The following RIC1 variants were observed in gnomAD, a reference collection of about 807,000 sequenced individuals.
RIC1 encodes guanine nucleotide exchange factor subunit RIC1.
Under a neutral mutation model 169.0 loss-of-function variants are expected in RIC1, and 88 were observed. That is an observed-to-expected ratio of 0.52 (90% CI 0.44 to 0.62). RIC1 has a LOEUF of 0.62. Among genes scored for constraint, RIC1 ranks in the 20% least tolerant of loss-of-function variants. The pLI is 0.00. For missense variants in RIC1, 1,877 were observed against 1,725.5 expected (o/e 1.09, Z -1.56); for synonymous variants, 790 against 601.5 (o/e 1.31, Z -4.59).
At chr9:5,759,521 C>G (rs1045681720) in intron 17 of RIC1, among the ~76,000 whole-genome samples, 8 of 152,284 alleles carry the variant, frequency 5.3e-5, no homozygotes, top group African/African-American at 1.9e-4. Context: ...ATGTGATAAT[C>G]ACTACCCTGC....
At chr9:5,777,398 A>T (rs1827647110), downstream of RIC1, among the ~76,000 whole-genome samples, 1 of 148,582 alleles carries the variant, frequency 6.7e-6, no homozygotes, top group Non-Finnish European at 1.5e-5. Flanking sequence ...CCCATTAAAT[A>T]CTGCTAAAAA....
chr9:5,654,751 C>G (rs1242225644), intron 1 of RIC1, among the ~76,000 whole-genome samples: 2 of 152,022 alleles, frequency 1.3e-5, no homozygotes, highest in Non-Finnish European at 2.9e-5. Flanking sequence ...ATGGGTTTCA[C>G]CATGTTGGCC....
intron 23 of RIC1, 111 bp downstream of exon 23, chr9:5,770,389 C>T: frequency 1.0e-6 from 1 of 963,226 alleles, no homozygotes; most frequent in Non-Finnish European, 1.5e-6. Context: ...GAGGATTAAC[C>T]ATTTGTATCC....
Position 5,742,894 on chromosome 9 carries a change from T to A in RIC1, c.927T>A (p.Val309=), listed in dbSNP as rs1260332291. The change falls in exon 9 of 26, where the codon GTT becomes GTA. Residue 309 remains valine, a synonymous_variant. Transcript: ENST00000414202. ...ACATTTGGAATAAAACAGGAGCTGT[T>A]AAATTGATGAGATGGTCTCCTGACA... ...YPDIWNKTGA[V]KLMRWSPDNS... 1 of 1,613,058 alleles carries A rather than the reference T, an allele frequency of 6.2e-7. No homozygotes were observed. The highest frequency in any genetic ancestry group is 2.2e-5 in the East Asian group (1 of 44,810).
chr9:5,747,124 A>G (rs1201111238), intron 11 of RIC1, among the ~76,000 whole-genome samples, 178 bp from the exon 12 acceptor site: 1 of 152,240 alleles, frequency 6.6e-6, no homozygotes, highest in Non-Finnish European at 1.5e-5. Context: ...CTTTCTAATT[A>G]TAACAGTGCA....
rs1824676259 is a variant in RIC1 at position 5,735,915 on chromosome 9, A to G, written c.813-2535A>G. Among the ~76,000 whole-genome samples, 3 of 152,230 alleles carry G rather than the reference A, an allele frequency of 2.0e-5. No individual in the cohort carries two copies. In the South Asian group the frequency reaches 6.2e-4, roughly 32 times the overall value. On this transcript the variant is annotated intron_variant, in intron 7 of 25. Coordinates refer to ENST00000414202, the MANE Select transcript of RIC1 (RefSeq NM_020829.4). ...CTAAATTTGATCACTTATGGTGATAATAGTCATATCTCTCTTATAGAGATT... is the reference window on the plus strand; with the variant it reads ...CTAAATTTGATCACTTATGGTGATAGTAGTCATATCTCTCTTATAGAGATT...
intron 3 of RIC1, among the ~76,000 whole-genome samples, chr9:5,695,568 T>G (rs1586964225): frequency 6.8e-6 from 1 of 146,628 alleles, no homozygotes. Context: ...ATTATTATTA[T>G]ATCTTTTTTT....
At chr9:5,660,989 A>G (rs1819418876) in intron 2 of RIC1, among the ~76,000 whole-genome samples, 1 of 152,060 alleles carries the variant, frequency 6.6e-6, no homozygotes, top group African/African-American at 2.4e-5. Flanking sequence ...TAAATCTTTA[A>G]TCAATCTTGA....
chr9:5,702,676 C>T (rs763107199), intron 3 of RIC1, among the ~76,000 whole-genome samples: 4 of 152,096 alleles, frequency 2.6e-5, no homozygotes, highest in African/African-American at 9.7e-5. Flanking sequence ...GTAGCTGGGA[C>T]TACAGGCACA....
At chr9:5,753,134 A>G in intron 12 of RIC1, 66 bp from the exon 13 acceptor site, 1 of 1,401,210 alleles carries the variant, frequency 7.1e-7, no homozygotes, top group Non-Finnish European at 1.0e-6. Flanking sequence ...ATAGTGTGAT[A>G]ACTTAATGCT....
chr9:5,737,184 A>C (rs1306353441), intron 7 of RIC1, among the ~76,000 whole-genome samples: 1 of 152,216 alleles, frequency 6.6e-6, no homozygotes, highest in Non-Finnish European at 1.5e-5. Context: ...TACCATGAGC[A>C]GAAATGAGAC....
At chr9:5,752,152 T>C (rs1563950451) in intron 12 of RIC1, among the ~76,000 whole-genome samples, 1 of 152,144 alleles carries the variant, frequency 6.6e-6, no homozygotes, top group Non-Finnish European at 1.5e-5. Flanking sequence ...AATTGAAAGG[T>C]GTTGTTAGGG....
chr9:5,651,466 A>G (rs1240510505), intron 1 of RIC1, among the ~76,000 whole-genome samples: 3 of 151,368 alleles, frequency 2.0e-5, no homozygotes, highest in Non-Finnish European at 4.4e-5. Context: ...TATCCAAAAA[A>G]TTCCTTGCTC....
At chr9:5,743,885 C>G (rs1309201671) in intron 10 of RIC1, 148 bp downstream of exon 10, 8 of 613,702 alleles carry the variant, frequency 1.3e-5, no homozygotes, top group Non-Finnish European at 2.3e-5. Context: ...TCATAGCTCA[C>G]TGCAGCCTCT....
chr9:5,629,474 C>G, intron 1 of RIC1, 21 bp downstream of exon 1: 2 of 1,524,156 alleles, frequency 1.3e-6, no homozygotes. Context: ...CCGCCCGCCG[C>G]CTTTCGCCGC....
At chr9:5,777,970 C>T (rs899932084), downstream of RIC1, among the ~76,000 whole-genome samples, 3 of 152,130 alleles carry the variant, frequency 2.0e-5, no homozygotes, top group African/African-American at 7.2e-5. Flanking sequence ...ATTGCAGGAT[C>T]AGCTTGTCAA....
At chr9:5,737,950 G>A (rs1374455957) in intron 7 of RIC1, among the ~76,000 whole-genome samples, 4 of 152,030 alleles carry the variant, frequency 2.6e-5, no homozygotes, top group African/African-American at 9.7e-5. Flanking sequence ...GTAGGCTTGA[G>A]GAAGAGGCAA....
Position 5,765,924 on chromosome 9 carries a change from C to G in RIC1, c.3137+126C>G, listed in dbSNP as rs780199729. On this transcript the variant is annotated intron_variant, in intron 21 of 25. Coordinates refer to ENST00000414202, the MANE Select transcript of RIC1 (RefSeq NM_020829.4). ...CCAATTGCAGTTTCTTTTTCCATTCCCAAAAAGCAGAGGCCACACAGAAGG... is the reference window on the plus strand; with the variant it reads ...CCAATTGCAGTTTCTTTTTCCATTCGCAAAAAGCAGAGGCCACACAGAAGG... 4 of 1,214,368 alleles carry G rather than the reference C, an allele frequency of 3.3e-6. No individual in the cohort carries two copies. In the African/African-American group the frequency reaches 4.6e-5, roughly 14 times the overall value. The allele number at this position is 1,214,368 out of a possible 1,614,324, so 75.2% of individuals were successfully genotyped here.
At chr9:5,663,952 T>A (rs1270508856) in intron 2 of RIC1, among the ~76,000 whole-genome samples, 1 of 152,238 alleles carries the variant, frequency 6.6e-6, no homozygotes, top group Non-Finnish European at 1.5e-5. Context: ...TGGTTTTTCC[T>A]TTCCATATTT....
Sources: allele counts gnomAD v4.1 joint callset (sites outside exome capture counted in the v4.1 genomes callset), GRCh38; gene constraint gnomAD v4.1.1; transcripts MANE v1.5; gene names NCBI Gene and HGNC (gene_info 2026-07-23, HGNC 2026-07-21).